GAREM2: variants seen among roughly 807,000 people sequenced by gnomAD.
The protein encoded by GAREM2 is GRB2 associated regulator of MAPK1 subtype 2.
Under a neutral mutation model 55.6 loss-of-function variants are expected in GAREM2, and 30 were observed. The observed-to-expected ratio is 0.54, with a 90% CI of 0.40 to 0.73. The LOEUF is 0.73. GAREM2 is among the 30% of genes least tolerant of loss of function. The probability of loss-of-function intolerance (pLI) is 0.00; values close to 1 mark genes in which losing one functional copy is unlikely to be tolerated. For missense variants in GAREM2, 1,075 were observed against 1,257.7 expected (o/e 0.85, Z 2.20); for synonymous variants, 550 against 569.1 (o/e 0.97, Z 0.48).
rs1457782640 is a variant in GAREM2, at chr2:26,187,697, T to TC, written c.2066dup (p.Ser690PhefsTer3). On this transcript the variant is annotated frameshift_variant, in exon 6 of 6. Transcript: ENST00000401533. LOFTEE classifies it high-confidence loss of function. The stretch of plus-strand genomic sequence containing the variant: ...CTCCTCCTGCGCCCCCTCCTCCTCC[T>TC]CTTCTTCTGAATGGCAGGAACCAGT... 6.7e-7 allele frequency: 1 copy of TC among 1,487,704 alleles called. No individual in the cohort carries two copies. The highest frequency in any genetic ancestry group is 1.4e-5 in the African/African-American group (1 of 70,600). The allele number at this position is 1,487,704 out of a possible 1,614,324, so 92.2% of individuals were successfully genotyped here. A position where few individuals can be genotyped will look rare whatever the true frequency, so the allele number is the denominator to read the frequency against.
the GAREM2 span, among the ~76,000 whole-genome samples, chr2:26,201,988 A>T: frequency 1.4e-5 from 2 of 144,154 alleles, no homozygotes; most frequent in African/African-American, 5.2e-5. Flanking sequence ...TTTAGTAGAG[A>T]TGGGGTTTCA....
At position 26,179,128 on chromosome 2, in the gene GAREM2, C is replaced by A. The variant is rs1380833428; in HGVS notation, c.253+2644C>A. 6.6e-6 allele frequency among the ~76,000 whole-genome samples: 1 copy of A among 152,170 alleles called. No individual in the cohort carries two copies. The highest frequency in any genetic ancestry group is 2.4e-5 in the African/African-American group (1 of 41,434). On this transcript the variant is annotated intron_variant, in intron 2 of 5. Transcript: ENST00000401533. This position sits in a 1 kb window ranked among gnomAD's most constrained non-coding sequence, Gnocchi z 4.7. ...AAGGCACTGCGGGGTGACTCGGTCT[C>A]CAGGCTGCGGCGCTCTGCTCCGGGA...
chr2:26,193,293 CTTTTTT>C (rs370942158), downstream of GAREM2, among the ~76,000 whole-genome samples: 2 of 115,166 alleles, frequency 1.7e-5, no homozygotes, highest in East Asian at 5.3e-4. Context: ...CACATGACAT[CTTTTTT>C]TTTTTTTTTT....
chr2:26,193,705 G>A (rs1395079464), downstream of GAREM2: 2 of 1,614,006 alleles, frequency 1.2e-6, no homozygotes, highest in South Asian at 1.1e-5. Flanking sequence ...ATCCACCAGT[G>A]TGGCGGCACC....
At position 26,176,371 on chromosome 2, in the gene GAREM2, G is replaced by A. The variant is rs563491136; in HGVS notation, c.140G>A (p.Arg47Gln). 1.5e-5 allele frequency: 23 copies of A among 1,548,224 alleles called. No homozygotes were observed. The highest frequency in any genetic ancestry group is 1.4e-4 in the South Asian group (12 of 83,466). ...PGEYAEGVSE[R>Q]DILLIHSCRQ... ...GAGTACGCCGAGGGCGTCAGTGAGC[G>A]AGACATCCTGCTCATCCACTCCTGC... The change falls in exon 2 of 6, where the codon CGA becomes CAA. Residue 47 changes from arginine (R) to glutamine (Q), a missense_variant. This residue lies in a region of GAREM2 where 230 missense variants were observed against 310.6 expected (regional missense o/e 0.74). Coordinates refer to ENST00000401533, the MANE Select transcript of GAREM2 (RefSeq NM_001168241.2).
Position 26,184,843 on chromosome 2 carries a change from C to G in GAREM2, c.995C>G (p.Ala332Gly). 8 of 1,475,308 alleles carry G rather than the reference C, an allele frequency of 5.4e-6. No individual in the cohort carries two copies. Among genetic ancestry groups the G allele is most frequent in the Non-Finnish European group, 6.2e-6 (7 of 1,122,004 alleles). The allele number at this position is 1,475,308 out of a possible 1,614,324, so 91.4% of individuals were successfully genotyped here. A position where few individuals can be genotyped will look rare whatever the true frequency, so the allele number is the denominator to read the frequency against. Residue 332 changes from alanine (A) to glycine (G), a missense_variant, in exon 4 of 6, where the codon GCC becomes GGC. Transcript: ENST00000401533. Reference protein sequence around the residue: ...PRFALPQGLLAGDPRVERLVR... With the variant: ...PRFALPQGLLGGDPRVERLVR... ...TTCGCGCTGCCGCAGGGCCTGCTGG[C>G]CGGGGACCCGCGCGTCGAGCGCCTG...
intron 2 of GAREM2, chr2:26,182,493 G>C: frequency 2.6e-6 from 4 of 1,550,376 alleles, no homozygotes; most frequent in Non-Finnish European, 3.5e-6. Flanking sequence ...GCCAGATCCA[G>C]GTAGGGCCCA....
Position 26,186,266 on chromosome 2 carries a change from C to T in GAREM2, c.1506C>T (p.Ser502=), listed in dbSNP as rs1040404678. Residue 502 remains serine (S), a synonymous_variant, in exon 5 of 6, where the codon AGC becomes AGT. Transcript: ENST00000401533. The part of the protein sequence containing the change: ...RGGNGSGRLS[S]SPPVPPRFPK... ...GCAATGGCAGCGGCCGGCTCTCCAG[C>T]AGCCCCCCGGTTCCCCCTCGCTTCC... 6.5e-7 allele frequency: 1 copy of T among 1,550,232 alleles called. No individual in the cohort carries two copies. The highest frequency in any genetic ancestry group is 1.2e-5 in the South Asian group (1 of 83,890).
chr2:26,198,367 A>C, the GAREM2 span, among the ~76,000 whole-genome samples: 2 of 89,770 alleles, frequency 2.2e-5, no homozygotes, highest in Admixed American at 1.3e-4. Flanking sequence ...CAACTTATTC[A>C]TGTTTTTTTT....
At chr2:26,195,051 A>G in the GAREM2 span, 1 of 1,552,954 alleles carries the variant, frequency 6.4e-7, no homozygotes. Flanking sequence ...TCTTATTAGA[A>G]CTTTTCAAAA....
the GAREM2 span, chr2:26,201,039 A>G: frequency 1.2e-6 from 1 of 841,830 alleles, no homozygotes. Flanking sequence ...GCCTTTGAAT[A>G]GTCCTTTTTA....
At chr2:26,195,083 G>GC in the GAREM2 span, 2 of 1,608,984 alleles carry the variant, frequency 1.2e-6, no homozygotes, top group Non-Finnish European at 1.7e-6. Flanking sequence ...CTGTTATACA[G>GC]CCCCTTACCT....
downstream of GAREM2, chr2:26,192,172 T>G: frequency 1.6e-6 from 1 of 643,628 alleles, no homozygotes; most frequent in Non-Finnish European, 2.8e-6. Context: ...ATGGCACGTG[T>G]ATACCTATGT....
At chr2:26,197,178 C>G in the GAREM2 span, among the ~76,000 whole-genome samples, 1 of 152,180 alleles carries the variant, frequency 6.6e-6, no homozygotes, top group East Asian at 1.9e-4. Flanking sequence ...CTTAATTACT[C>G]TGGTTGAGAG....
downstream of GAREM2, chr2:26,191,749 G>C (rs890316065): frequency 2.0e-6 from 2 of 982,560 alleles, no homozygotes; most frequent in Admixed American, 3.6e-5. Context: ...GGTTGGTGCT[G>C]GCCCTCAGAG....
downstream of GAREM2, chr2:26,191,417 C>T (rs181778579): frequency 8.2e-5 from 133 of 1,614,148 alleles, no homozygotes; most frequent in African/African-American, 1.1e-3. Context: ...AAGAGGACTT[C>T]GTTGAAGGAG....
chr2:26,186,742 G>A (rs895324818), intron 5 of GAREM2, among the ~76,000 whole-genome samples: 1 of 152,198 alleles, frequency 6.6e-6, no homozygotes, highest in East Asian at 1.9e-4. Flanking sequence ...TTGGGAGGCC[G>A]AGTTGGGTGA....
chr2:26,184,325 C>A lies in GAREM2; in HGVS notation c.477C>A (p.Ile159=). 6.4e-7 allele frequency: 1 copy of A among 1,550,742 alleles called. No homozygotes were observed. Among genetic ancestry groups the A allele is most frequent in the Non-Finnish European group, 8.7e-7 (1 of 1,146,736 alleles). ...TCACTCTTATGGGCCAGGCGGAGAT[C>A]CTGTGCGCCAAGACCACCAAGGAGC... ...DELTLMGQAE[I]LCAKTTKERS... The change falls in exon 4 of 6, where the codon ATC becomes ATA. Residue 159 remains isoleucine, a synonymous_variant. Transcript: ENST00000401533.
At chr2:26,178,648 G>GA (rs1308800792) in intron 2 of GAREM2, among the ~76,000 whole-genome samples, 4 of 152,252 alleles carry the variant, frequency 2.6e-5, no homozygotes, top group African/African-American at 7.2e-5. Flanking sequence ...ATCCCTCACT[G>GA]AAAAAAACGT....
Sources: allele counts gnomAD v4.1 joint callset (sites outside exome capture counted in the v4.1 genomes callset), GRCh38; gene constraint gnomAD v4.1.1; regional missense constraint gnomAD v4.1.1; non-coding constraint Gnocchi (gnomAD v3.1); transcripts MANE v1.5; gene names NCBI Gene and HGNC (gene_info 2026-07-23, HGNC 2026-07-21).